DNM3: variants seen among roughly 807,000 people sequenced by gnomAD.
DNM3 encodes dynamin 3.
A neutral mutation model predicts 101.6 loss-of-function variants in DNM3; 47 were observed. The observed-to-expected ratio is 0.46, with a 90% CI of 0.37 to 0.59. The LOEUF is 0.59. Among genes scored for constraint, DNM3 ranks in the 20% least tolerant of loss-of-function variants. DNM3 has a pLI of 0.00. For missense variants in DNM3, 849 were observed against 1,085.7 expected, an observed-to-expected ratio of 0.78 and a Z score of 3.06; for synonymous variants, 385 against 387.9, an observed-to-expected ratio of 0.99 and a Z score of 0.09.
At chr1:171,917,502 T>C (rs1361905900) in intron 1 of DNM3, among the ~76,000 whole-genome samples, 1 of 152,202 alleles carries the variant, frequency 6.6e-6, no homozygotes, top group Non-Finnish European at 1.5e-5. Context: ...AGCATTAACT[T>C]ACTGCCTGAA....
chr1:172,410,810 G>A lies in DNM3; in HGVS notation c.*2969G>A, dbSNP rs2071162170. ...AGCCTTCTCGACTTAGACTTAAAAA[G>A]TGGTCACATAGATTAATTTTGTGAC... is the stretch of plus-strand genomic sequence containing the variant. On this transcript the variant is annotated 3_prime_UTR_variant, in exon 21 of 21. Transcript: ENST00000627582. 1 of 985,120 alleles carries A rather than the reference G, an allele frequency of 1.0e-6. No homozygotes were observed. The highest frequency in any genetic ancestry group is 1.7e-5 in the African/African-American group (1 of 57,196). The allele number at this position is 985,120 out of a possible 1,614,324, so 61.0% of individuals were successfully genotyped here.
chr1:172,065,355 T>C (rs2051567133), intron 10 of DNM3, among the ~76,000 whole-genome samples: 1 of 152,188 alleles, frequency 6.6e-6, no homozygotes, highest in Non-Finnish European at 1.5e-5. Context: ...GTGGCTGTCA[T>C]TGAATAGCTT....
chr1:172,062,286 A>G (rs1254330574), intron 10 of DNM3, among the ~76,000 whole-genome samples: 1 of 152,148 alleles, frequency 6.6e-6, no homozygotes, highest in Non-Finnish European at 1.5e-5. Flanking sequence ...CCACCATGTC[A>G]ACCCACCCTG....
At chr1:172,254,577 A>G (rs1259644477) in intron 15 of DNM3, among the ~76,000 whole-genome samples, 1 of 152,140 alleles carries the variant, frequency 6.6e-6, no homozygotes, top group Non-Finnish European at 1.5e-5. Flanking sequence ...TCTTAAGGTC[A>G]TAAAACTGGT....
chr1:171,905,509 A>C (rs1278148558), intron 1 of DNM3, among the ~76,000 whole-genome samples: 1 of 152,194 alleles, frequency 6.6e-6, no homozygotes, highest in Non-Finnish European at 1.5e-5. Context: ...CATGGTGTGG[A>C]GAAATTTGAT....
chr1:172,046,270 T>C (rs889413178), intron 9 of DNM3, among the ~76,000 whole-genome samples: 2 of 151,986 alleles, frequency 1.3e-5, no homozygotes, highest in Non-Finnish European at 1.5e-5. Flanking sequence ...ATGGATGAAA[T>C]TGGAAACCAT....
chr1:172,375,949 G>A (rs922265635), intron 17 of DNM3, among the ~76,000 whole-genome samples: 4 of 151,718 alleles, frequency 2.6e-5, no homozygotes, highest in Non-Finnish European at 5.9e-5. Flanking sequence ...CTATGATCAC[G>A]CCACTGCACT....
Position 172,410,843 on chromosome 1 carries a change from T to A in DNM3, c.*3002T>A. The A allele has an allele frequency of 1.0e-6, 1 of 985,298 alleles. No individual in the cohort carries two copies. Among genetic ancestry groups the A allele is most frequent in the Non-Finnish European group, 1.2e-6 (1 of 829,812 alleles). 61.0% of individuals were successfully genotyped at this position (985,298 alleles called of 1,614,324 possible). A position where few individuals can be genotyped will look rare whatever the true frequency, so the allele number is the denominator to read the frequency against. ...ATAGATTAATTTTGTGACTTTTTAG[T>A]ATAGACTGTAGCCATAATTCTCAAA... is the stretch of plus-strand genomic sequence containing the variant. On this transcript the variant is annotated 3_prime_UTR_variant, in exon 21 of 21. Transcript: ENST00000627582.
chr1:172,255,760 C>G (rs185088555), intron 15 of DNM3, among the ~76,000 whole-genome samples: 22 of 152,172 alleles, frequency 1.4e-4, no homozygotes, highest in Admixed American at 8.5e-4. Flanking sequence ...GCAAGGACCT[C>G]CAGTGCAATG....
At position 172,043,182 on chromosome 1, in the gene DNM3, G is replaced by A. The variant is rs531621589; in HGVS notation, c.1128+1038G>A. On this transcript the variant is annotated intron_variant, in intron 8 of 20. Coordinates refer to ENST00000627582, the MANE Select transcript of DNM3 (RefSeq NM_015569.5). Reference sequence around the variant, plus strand: ...TGGGGTTTTGGAGATAAAGTTGCTAGGGCTTCGATTGAAATGGGGGAATGG... The same window carrying A: ...TGGGGTTTTGGAGATAAAGTTGCTAAGGCTTCGATTGAAATGGGGGAATGG... Among the ~76,000 whole-genome samples the A allele has an allele frequency of 2.0e-5, 3 of 152,226 alleles. No homozygotes were observed. The South Asian group carries it at 6.2e-4, about 32-fold the overall frequency.
In DNM3 at chr1:172,304,222, A is replaced by AAAAAAAAAAAAAAAAAC. The variant is rs745651671; in HGVS notation, c.1770-4506_1770-4505insAAAAAAAAAAAAAAAAC. ...AAAGGAAAGCAAAAAAAAAAAAAAA[A>AAAAAAAAAAAAAAAAAC]CAGGAGTTGCAATCCTAGTCTCTGA... On this transcript the variant is annotated intron_variant, in intron 15 of 20. Coordinates refer to ENST00000627582, the MANE Select transcript of DNM3 (RefSeq NM_015569.5). Among the ~76,000 whole-genome samples the AAAAAAAAAAAAAAAAAC allele has an allele frequency of 1.2e-3, 155 of 128,934 alleles. 7 individuals are homozygous for AAAAAAAAAAAAAAAAAC. Among genetic ancestry groups the AAAAAAAAAAAAAAAAAC allele is most frequent in the African/African-American group, 4.5e-3 (128 of 28,592 alleles). The allele number at this position is 128,934 out of a possible 152,430, so 84.6% of individuals were successfully genotyped here.
chr1:172,066,972 GTGTT>G (rs1326467751), intron 10 of DNM3, among the ~76,000 whole-genome samples: 55 of 132,068 alleles, frequency 4.2e-4, no homozygotes, highest in Non-Finnish European at 5.9e-4. Flanking sequence ...GTGTGTGTGT[GTGTT>G]TGTGTGTGTG....
intron 15 of DNM3, among the ~76,000 whole-genome samples, chr1:172,299,292 T>C (rs180776252): frequency 5.3e-5 from 8 of 152,234 alleles, no homozygotes; most frequent in African/African-American, 1.9e-4. Context: ...TGGGCCATCA[T>C]AGGGAGTGTG....
chr1:172,351,408 A>T (rs995749549), intron 17 of DNM3, among the ~76,000 whole-genome samples: 1 of 152,164 alleles, frequency 6.6e-6, no homozygotes, highest in East Asian at 1.9e-4. Context: ...AGGATTTTTT[A>T]AAGTAAACTT....
At chr1:172,106,508 T>C (rs1350343656) in intron 13 of DNM3, among the ~76,000 whole-genome samples, 4 of 152,108 alleles carry the variant, frequency 2.6e-5, no homozygotes, top group Non-Finnish European at 5.9e-5. Flanking sequence ...AGTACCTAGG[T>C]GATGAAATAA....
chr1:171,893,181 C>T (rs1323417176), intron 1 of DNM3, among the ~76,000 whole-genome samples: 1 of 152,132 alleles, frequency 6.6e-6, no homozygotes, highest in Admixed American at 6.5e-5. Flanking sequence ...TTGTCACATT[C>T]TGCATTCTAT....
chr1:172,387,044 G>T (rs2069223848), intron 18 of DNM3, 89 bp from the exon 19 acceptor site: 3 of 1,137,868 alleles, frequency 2.6e-6, no homozygotes, highest in Non-Finnish European at 3.9e-6. Context: ...GGTGGACTTT[G>T]TCCAGACTCT....
At chr1:172,075,181 G>T (rs540295446) in intron 11 of DNM3, among the ~76,000 whole-genome samples, 1 of 150,140 alleles carries the variant, frequency 6.7e-6, no homozygotes, top group African/African-American at 2.5e-5. Flanking sequence ...TGGTAAATTT[G>T]TATACGTTCT....
chr1:171,864,570 G>T (rs888961040), intron 1 of DNM3: 1 of 152,180 alleles, frequency 6.6e-6, no homozygotes, highest in African/African-American at 2.4e-5. Context: ...TTAAGTGGAG[G>T]CCCCTGAGCT....
Sources: allele counts gnomAD v4.1 joint callset (sites outside exome capture counted in the v4.1 genomes callset), GRCh38; gene constraint gnomAD v4.1.1; transcripts MANE v1.5; gene names NCBI Gene and HGNC (gene_info 2026-07-23, HGNC 2026-07-21).